Variants in PSKH2 observed in about 807,000 individuals in gnomAD.
The protein encoded by PSKH2 is protein serine kinase H2, also known as serine/threonine-protein kinase H2.
A neutral mutation model predicts 22.5 loss-of-function variants in PSKH2; 16 were observed. The observed-to-expected ratio is 0.71, with a 90% CI of 0.48 to 1.08. PSKH2 has a LOEUF of 1.08. Among genes scored for constraint, PSKH2 ranks in the 50% least tolerant of loss-of-function variants. PSKH2 has a pLI of 0.00. For missense variants in PSKH2, 516 were observed against 492.8 expected, an observed-to-expected ratio of 1.05 and a Z score of -0.44; for synonymous variants, 188 against 184.8, an observed-to-expected ratio of 1.02 and a Z score of -0.14.
At chr8:86,049,734 GAAAGAAA>G (rs1204959839) in intron 2 of PSKH2, among the ~76,000 whole-genome samples, 1 of 45,630 alleles carries the variant, frequency 2.2e-5, no homozygotes, top group African/African-American at 7.6e-5. Flanking sequence ...AAGAAAGAAA[GAAAGAAA>G]GAAAGAAACG....
intron 1 of PSKH2, among the ~76,000 whole-genome samples, chr8:86,068,595 C>G (rs1001406798): frequency 6.6e-6 from 1 of 151,912 alleles, no homozygotes; most frequent in Non-Finnish European, 1.5e-5. Flanking sequence ...GAGCTAGAAA[C>G]GAAGGAAGGA....
chr8:86,050,259 C>T (rs989403655), intron 2 of PSKH2, among the ~76,000 whole-genome samples: 1 of 152,148 alleles, frequency 6.6e-6, no homozygotes, highest in African/African-American at 2.4e-5. Flanking sequence ...TTTAAATTAT[C>T]AGGCCAAGAG....
intron 2 of PSKH2, among the ~76,000 whole-genome samples, chr8:86,049,659 GAGAA>G (rs963063019): frequency 7.0e-6 from 1 of 143,428 alleles, no homozygotes; most frequent in Non-Finnish European, 1.5e-5. Flanking sequence ...GAGAGAGAGA[GAGAA>G]AGAGTGAGAA....
rs143753765 is a variant in PSKH2 at position 86,065,967 on chromosome 8, T to C, written c.186-1336A>G. On this transcript the variant is annotated intron_variant, in intron 1 of 2. Transcript: ENST00000276616. ...CTTGGGTGAGAGAGCGAGACCTCTGTCTCAAAAATTAAAAAAATAAAATAA... is the reference window on the plus strand; with the variant it reads ...CTTGGGTGAGAGAGCGAGACCTCTGCCTCAAAAATTAAAAAAATAAAATAA... Among the ~76,000 whole-genome samples the C allele has an allele frequency of 1.5e-3, 226 of 152,054 alleles. 1 individual carries two copies. The highest frequency in any genetic ancestry group is 5.1e-3 in the African/African-American group (212 of 41,474).
chr8:86,066,200 CTTTTTT>C lies in PSKH2; in HGVS notation c.186-1575_186-1570del, dbSNP rs71574254. On this transcript the variant is annotated intron_variant, in intron 1 of 2. Coordinates refer to ENST00000276616, the MANE Select transcript of PSKH2 (RefSeq NM_033126.3). ...GAGTCAGGATTAGAACGCAGGTCTCCTTTTTTTTTTTTTTTTTGAGATGGAGTTTTG... is the reference window on the plus strand; with the variant it reads ...GAGTCAGGATTAGAACGCAGGTCTCCTTTTTTTTTTTGAGATGGAGTTTTG... Among the ~76,000 whole-genome samples the C allele has an allele frequency of 2.3e-5, 3 of 131,466 alleles. No individual in the cohort carries two copies. In the East Asian group the frequency reaches 6.7e-4, roughly 29 times the overall value. The allele number at this position is 131,466 out of a possible 152,430, so 86.2% of individuals were successfully genotyped here.
At chr8:86,069,669 A>G, upstream of PSKH2, 1 of 1,462,922 alleles carries the variant, frequency 6.8e-7, no homozygotes, top group Non-Finnish European at 9.0e-7. Flanking sequence ...CTCGGGAAGC[A>G]GCCAGCCCCG....
intron 1 of PSKH2, among the ~76,000 whole-genome samples, chr8:86,065,749 G>C (rs1279594402): frequency 6.6e-6 from 1 of 152,130 alleles, no homozygotes; most frequent in Non-Finnish European, 1.5e-5. Flanking sequence ...GAGGTGGGAA[G>C]ACTGTTTGAG....
intron 2 of PSKH2, among the ~76,000 whole-genome samples, chr8:86,049,748 AACGAAAGAAAG>A (rs1817599369): frequency 8.4e-5 from 1 of 11,926 alleles, no homozygotes; most frequent in Non-Finnish European, 1.7e-4. Context: ...GAAAGAAAGA[AACGAAAGAAAG>A]AAAGAAAGAG....
At chr8:86,059,630 C>A (rs1404256509) in intron 2 of PSKH2, among the ~76,000 whole-genome samples, 1 of 152,166 alleles carries the variant, frequency 6.6e-6, no homozygotes. Flanking sequence ...TCGTATTGGG[C>A]CTCCAAGATT....
Position 86,069,474 on chromosome 8 carries a change from C to A in PSKH2, c.149G>T (p.Arg50Leu). ...CCGGGGGTCGAACTTGGCTCGGAAG[C>A]GAGCCACCTGTATCCTCTGCGCCGC... The part of the protein sequence containing the change: ...AQAAQRIQVA[R>L]FRAKFDPRVL... Residue 50 changes from arginine (R) to leucine (L), a missense_variant, in exon 1 of 3, where the codon CGC (arginine) becomes CTC (leucine). Transcript: ENST00000276616. 1.9e-6 allele frequency: 3 copies of A among 1,600,214 alleles called. No homozygotes were observed. The highest frequency in any genetic ancestry group is 2.6e-6 in the Non-Finnish European group (3 of 1,174,982).
chr8:86,061,267 C>T (rs919760861), intron 2 of PSKH2, among the ~76,000 whole-genome samples: 1 of 152,206 alleles, frequency 6.6e-6, no homozygotes, highest in Non-Finnish European at 1.5e-5. Flanking sequence ...CATGAATCCT[C>T]TTCTCAGTTG....
At chr8:86,052,014 A>G (rs904555531) in intron 2 of PSKH2, among the ~76,000 whole-genome samples, 27 of 152,326 alleles carry the variant, frequency 1.8e-4, no homozygotes, top group African/African-American at 6.3e-4. Context: ...ATTAATCTAA[A>G]ATTGATTTTC....
At chr8:86,068,804 G>T (rs1418464297) in intron 1 of PSKH2, among the ~76,000 whole-genome samples, 1 of 152,156 alleles carries the variant, frequency 6.6e-6, no homozygotes, top group Non-Finnish European at 1.5e-5. Context: ...CACCGCAGAT[G>T]CTGGAGGTTG....
intron 2 of PSKH2, among the ~76,000 whole-genome samples, chr8:86,049,329 A>G (rs1563538349): frequency 6.6e-6 from 1 of 151,996 alleles, no homozygotes; most frequent in Non-Finnish European, 1.5e-5. Context: ...GAGGTTGAGG[A>G]AGAAGGATCG....
rs1470657511 is a variant in PSKH2, at chr8:86,047,855, T to C, written c.*607A>G. ...GCTAACATTAGAAAAAAATCACTAT[T>C]TTATGATTCTTAAAAATCTCTATTT... is the stretch of plus-strand genomic sequence containing the variant. On this transcript the variant is annotated 3_prime_UTR_variant, in exon 3 of 3. Transcript: ENST00000276616. 6.6e-6 allele frequency among the ~76,000 whole-genome samples: 1 copy of C among 152,144 alleles called. No individual in the cohort carries two copies. The highest frequency in any genetic ancestry group is 1.9e-4 in the East Asian group (1 of 5,202).
At chr8:86,056,366 C>G (rs1306370878) in intron 2 of PSKH2, among the ~76,000 whole-genome samples, 11 of 152,152 alleles carry the variant, frequency 7.2e-5, no homozygotes, top group Non-Finnish European at 1.5e-4. Context: ...TTATAATTCT[C>G]CTTTTTTTAA....
rs756292747 is a variant in PSKH2, at chr8:86,064,177, T to C, written c.640A>G (p.Ser214Gly). 1.9e-6 allele frequency: 3 copies of C among 1,613,804 alleles called. No homozygotes were observed. In the South Asian group the frequency reaches 3.3e-5, roughly 18 times the overall value. ...AGTGTCTTCATTGTCCAGTCACCAC[T>C]TTTTTTCCCGGAGTATGCCAAACCA... ...DFGLAYSGKKSGDWTMKTLCG... is the reference protein window; with the variant it reads ...DFGLAYSGKKGGDWTMKTLCG... Residue 214 changes from serine (S) to glycine (G), a missense_variant, in exon 2 of 3, where the codon AGT (serine) becomes GGT (glycine). Transcript: ENST00000276616.
intron 2 of PSKH2, among the ~76,000 whole-genome samples, chr8:86,049,384 C>T (rs1229983405): frequency 6.6e-6 from 1 of 151,946 alleles, no homozygotes; most frequent in Non-Finnish European, 1.5e-5. Context: ...CACAGCAAAA[C>T]CCCATCTCTA....
chr8:86,059,524 A>G (rs1180154953), intron 2 of PSKH2, among the ~76,000 whole-genome samples: 1 of 152,002 alleles, frequency 6.6e-6, no homozygotes, highest in African/African-American at 2.4e-5. Flanking sequence ...CCCTCTCTCC[A>G]TCTTCAAAAG....
Sources: gnomAD v4.1 joint callset for allele counts (sites outside exome capture counted in the v4.1 genomes callset) on GRCh38, gnomAD v4.1.1 for gene constraint, MANE v1.5 for transcripts, NCBI Gene and HGNC (gene_info 2026-07-23, HGNC 2026-07-21) for gene names.